The following PTPN5 variants were observed in gnomAD, a reference collection of about 807,000 sequenced individuals.
PTPN5 encodes tyrosine-protein phosphatase non-receptor type 5.
In PTPN5, 29 loss-of-function variants were observed where a neutral mutation model predicts 73.9. The observed-to-expected ratio is 0.39, with a 90% CI of 0.29 to 0.54. PTPN5 has a LOEUF of 0.54. Among genes scored for constraint, PTPN5 ranks in the 20% least tolerant of loss-of-function variants. The pLI is 0.65. For missense variants in PTPN5, 652 were observed against 751.4 expected (o/e 0.87, Z 1.55); for synonymous variants, 267 against 304.7 (o/e 0.88, Z 1.29).
At chr11:18,732,494 T>C in intron 12 of PTPN5, 98 bp downstream of exon 12, 1 of 834,876 alleles carries the variant, frequency 1.2e-6, no homozygotes, top group Non-Finnish European at 2.0e-6. Flanking sequence ...GGCTTTTATG[T>C]CAGTTACAGT....
chr11:18,770,535 T>A (rs1246686506), intron 2 of PTPN5, among the ~76,000 whole-genome samples: 2 of 152,252 alleles, frequency 1.3e-5, no homozygotes, highest in Non-Finnish European at 2.9e-5. Flanking sequence ...GTTTTATTTA[T>A]CTATTCATCA....
chr11:18,744,629 C>A (rs1420931364), intron 3 of PTPN5, among the ~76,000 whole-genome samples: 2 of 152,056 alleles, frequency 1.3e-5, no homozygotes, highest in Non-Finnish European at 2.9e-5. Context: ...ATTTTTGTCT[C>A]ATGTGGGCCA....
chr11:18,781,310 CT>C (rs377562863), intron 1 of PTPN5, among the ~76,000 whole-genome samples: 1 of 147,164 alleles, frequency 6.8e-6, no homozygotes, highest in East Asian at 2.0e-4. Flanking sequence ...ATCAGACTGT[CT>C]TTTTTTGACC....
At chr11:18,749,279 C>G (rs891455407) in intron 3 of PTPN5, among the ~76,000 whole-genome samples, 6 of 152,162 alleles carry the variant, frequency 3.9e-5, no homozygotes, top group Non-Finnish European at 2.9e-5. Flanking sequence ...TCCTCATGGA[C>G]TCACCTCTTG....
chr11:18,744,080 G>A lies in PTPN5; in HGVS notation c.217C>T (p.Pro73Ser), dbSNP rs183368594. The A allele has an allele frequency of 5.3e-5, 86 of 1,610,876 alleles. No homozygotes were observed. In the East Asian group the frequency reaches 1.8e-3, roughly 34 times the overall value. ...SPPSDPAQKP[P>S]PRGAGSHSLT... The stretch of plus-strand genomic sequence containing the variant: ...GAGTGGCTCCCAGCGCCTCGAGGTG[G>A]TGGCTTCTGAGCTGGATCTGAGGGC... Residue 73 changes from proline to serine, a missense_variant, in exon 4 of 15, where the codon CCA becomes TCA. By Grantham distance (74) the Pro-to-Ser change is moderately conservative. Around this residue, in one of 3 missense-constraint regions of PTPN5, gnomAD observed 529 missense variants for 573.9 expected, o/e 0.92. Coordinates refer to ENST00000358540, the MANE Select transcript of PTPN5 (RefSeq NM_006906.2).
At chr11:18,772,840 A>G (rs954398579) in intron 1 of PTPN5, among the ~76,000 whole-genome samples, 12 of 152,180 alleles carry the variant, frequency 7.9e-5, no homozygotes, top group Non-Finnish European at 1.5e-4. Context: ...AGAAAAGGCA[A>G]TGGTGACACA....
At chr11:18,787,010 T>C (rs10832986) in intron 1 of PTPN5, among the ~76,000 whole-genome samples, 20,935 of 152,170 alleles carry the variant, frequency 0.14, 1,887 homozygotes, top group Non-Finnish European at 0.2. Context: ...GGATGTATAT[T>C]TGTGCGGGGA....
intron 1 of PTPN5, among the ~76,000 whole-genome samples, chr11:18,777,286 T>C (rs1365484448): frequency 6.6e-6 from 1 of 152,246 alleles, no homozygotes; most frequent in East Asian, 1.9e-4. Flanking sequence ...TTTTGACTTC[T>C]CTGTGCCTCA....
chr11:18,735,565 C>T (rs1564889401), intron 9 of PTPN5, among the ~76,000 whole-genome samples: 2 of 152,092 alleles, frequency 1.3e-5, no homozygotes, highest in African/African-American at 2.4e-5. Context: ...CCTGTAAGCC[C>T]AGCACTTTGG....
chr11:18,744,481 C>T (rs936579037), intron 3 of PTPN5: 12 of 297,552 alleles, frequency 4.0e-5, no homozygotes, highest in Non-Finnish European at 7.4e-5. Context: ...TACGCAGCTT[C>T]ATTCTTTTCC....
Position 18,771,994 on chromosome 11 carries a change from C to T in PTPN5, c.-36G>A. ...TCTGGATGGGGAAGGGTGCCATCTT[C>T]CAGGGCAGGAAGCTTTCTCAGCAAA... On this transcript the variant is annotated 5_prime_UTR_variant, in exon 2 of 15. Transcript: ENST00000358540. The T allele has an allele frequency of 6.5e-7, 1 of 1,535,556 alleles. No homozygotes were observed. The highest frequency in any genetic ancestry group is 8.7e-7 in the Non-Finnish European group (1 of 1,146,200).
intron 12 of PTPN5, 114 bp downstream of exon 12, chr11:18,732,478 G>A (rs1590478426): frequency 2.7e-6 from 2 of 753,610 alleles, no homozygotes; most frequent in East Asian, 5.0e-5. Context: ...ATCTGGGAGT[G>A]ACACTGGCTT....
At chr11:18,780,629 C>T (rs1851374545) in intron 1 of PTPN5, among the ~76,000 whole-genome samples, 1 of 152,172 alleles carries the variant, frequency 6.6e-6, no homozygotes, top group Non-Finnish European at 1.5e-5. Context: ...GTTGACCTCT[C>T]CTCTGGCTCA....
intron 1 of PTPN5, among the ~76,000 whole-genome samples, chr11:18,784,197 G>A (rs1851568233): frequency 6.6e-6 from 1 of 152,144 alleles, no homozygotes; most frequent in African/African-American, 2.4e-5. Flanking sequence ...GAAAGCGGGG[G>A]CTCAAACAGA....
At chr11:18,758,369 T>C (rs1258564029) in intron 3 of PTPN5, among the ~76,000 whole-genome samples, 2 of 152,200 alleles carry the variant, frequency 1.3e-5, no homozygotes, top group African/African-American at 4.8e-5. Flanking sequence ...CCAACTACCA[T>C]GAGACCATCA....
chr11:18,770,935 TAG>T (rs1289666153), intron 2 of PTPN5, among the ~76,000 whole-genome samples: 2 of 150,566 alleles, frequency 1.3e-5, no homozygotes, highest in East Asian at 3.9e-4. Flanking sequence ...GCCTGGGGGG[TAG>T]AGTGGGGGAT....
chr11:18,772,863 G>A (rs1850968809), intron 1 of PTPN5, among the ~76,000 whole-genome samples: 1 of 152,200 alleles, frequency 6.6e-6, no homozygotes. Flanking sequence ...TGACCCGTGT[G>A]CGGGGAGACG....
intron 3 of PTPN5, among the ~76,000 whole-genome samples, chr11:18,765,536 C>A (rs573094889): frequency 6.6e-6 from 1 of 152,360 alleles, no homozygotes; most frequent in East Asian, 1.9e-4. Context: ...TACTCCTCAG[C>A]TCTTCGTCCT....
At chr11:18,764,491 T>C (rs561063065) in intron 3 of PTPN5, among the ~76,000 whole-genome samples, 2 of 152,210 alleles carry the variant, frequency 1.3e-5, no homozygotes, top group South Asian at 4.1e-4. Flanking sequence ...ATCAAAGGGC[T>C]TCCTCAGGAG....
Sources: allele counts gnomAD v4.1 joint callset (sites outside exome capture counted in the v4.1 genomes callset), GRCh38; gene constraint gnomAD v4.1.1; regional missense constraint gnomAD v4.1.1; transcripts MANE v1.5; gene names NCBI Gene and HGNC (gene_info 2026-07-23, HGNC 2026-07-21).